Variants in CNTN4 observed in about 807,000 individuals in gnomAD.
The protein encoded by CNTN4 is contactin 4, also known as contactin-4.
Under a neutral mutation model 122.5 loss-of-function variants are expected in CNTN4, and 77 were observed. The observed-to-expected ratio is 0.63, with a 90% CI of 0.52 to 0.76. CNTN4 has a LOEUF of 0.76. CNTN4 is among the 30% of genes least tolerant of loss of function. The pLI, the probability that CNTN4 is intolerant of heterozygous loss-of-function variation, is 0.00. For synonymous variants in CNTN4, 512 were observed against 447.0 expected, an observed-to-expected ratio of 1.15 and a Z score of -1.83; for missense variants, 1,256 against 1,259.1, an observed-to-expected ratio of 1.00 and a Z score of 0.04.
chr3:2,351,742 G>A (rs1012338200), intron 3 of CNTN4, among the ~76,000 whole-genome samples: 2 of 151,600 alleles, frequency 1.3e-5, no homozygotes, highest in African/African-American at 4.9e-5. Flanking sequence ...TAGATAAGAG[G>A]GGACTACTGT....
chr3:2,223,996 T>G (rs1436831857), intron 2 of CNTN4, among the ~76,000 whole-genome samples: 1 of 151,750 alleles, frequency 6.6e-6, no homozygotes, highest in African/African-American at 2.4e-5. Context: ...GACAGGAGGG[T>G]GAGGTGAATA....
At chr3:2,808,345 A>G (rs1375222778) in intron 6 of CNTN4, among the ~76,000 whole-genome samples, 2 of 152,150 alleles carry the variant, frequency 1.3e-5, no homozygotes, top group East Asian at 3.9e-4. Flanking sequence ...ACTTGAATGT[A>G]TCTGATTTGC....
chr3:2,727,539 A>G (rs942884201), intron 4 of CNTN4, among the ~76,000 whole-genome samples: 2 of 152,222 alleles, frequency 1.3e-5, no homozygotes, highest in African/African-American at 2.4e-5. Flanking sequence ...GGGTCAGAGT[A>G]GGATACATTG....
intron 3 of CNTN4, among the ~76,000 whole-genome samples, chr3:2,384,600 T>G (rs1196172437): frequency 1.3e-5 from 2 of 152,212 alleles, no homozygotes; most frequent in Non-Finnish European, 2.9e-5. Flanking sequence ...AATGCCCAGC[T>G]AAATCAGGAC....
In CNTN4 at chr3:2,839,592, A is replaced by C. The variant is rs139134451; in HGVS notation, c.454+20011A>C. 6.9e-3 allele frequency among the ~76,000 whole-genome samples: 1,058 copies of C among 152,330 alleles called. 6 individuals are homozygous for C. Among genetic ancestry groups the C allele is most frequent in the East Asian group, 0.022 (114 of 5,192 alleles). The stretch of plus-strand genomic sequence containing the variant: ...CCTGGAATTTAGAACAGGGCTTTTA[A>C]ATTTTCAAGGACTGCACTGCAGTTG... On this transcript the variant is annotated intron_variant, in intron 7 of 24. Coordinates refer to ENST00000418658, the MANE Select transcript of CNTN4 (RefSeq NM_175607.3).
chr3:2,179,122 C>T (rs1242744604), intron 2 of CNTN4, among the ~76,000 whole-genome samples: 1 of 152,020 alleles, frequency 6.6e-6, no homozygotes, highest in Non-Finnish European at 1.5e-5. Context: ...ATTTGCAGTT[C>T]ACCAGTAACC....
intron 3 of CNTN4, among the ~76,000 whole-genome samples, chr3:2,429,970 G>T (rs965909176): frequency 2.6e-5 from 4 of 152,142 alleles, no homozygotes; most frequent in Admixed American, 1.3e-4. Context: ...CATCTGTCAC[G>T]GCTTCCCTTG....
At chr3:2,150,027 A>T (rs1219615024) in intron 2 of CNTN4, among the ~76,000 whole-genome samples, 1 of 151,750 alleles carries the variant, frequency 6.6e-6, no homozygotes, top group Non-Finnish European at 1.5e-5. Flanking sequence ...TTAGAGTTTA[A>T]ATGTAATGAT....
In CNTN4 at chr3:2,289,951, G is replaced by A. The variant is rs17011929; in HGVS notation, c.-144-49227G>A. On this transcript the variant is annotated intron_variant, in intron 2 of 24. Transcript: ENST00000418658. ...GAAACTTGGAGGCATAGTTTTCAGGGTTACAGAATGTTCATTATTAGTATT... is the reference window on the plus strand; with the variant it reads ...GAAACTTGGAGGCATAGTTTTCAGGATTACAGAATGTTCATTATTAGTATT... 8.0e-3 allele frequency among the ~76,000 whole-genome samples: 1,224 copies of A among 152,052 alleles called. 21 individuals carry two copies. Among genetic ancestry groups the A allele is most frequent in the African/African-American group, 0.028 (1,158 of 41,514 alleles).
chr3:2,575,981 CAT>C (rs1559257852), intron 4 of CNTN4, among the ~76,000 whole-genome samples: 2 of 151,762 alleles, frequency 1.3e-5, no homozygotes, highest in African/African-American at 2.4e-5. Context: ...ACTACAGGCA[CAT>C]GCCACCATGC....
chr3:3,047,979 A>G (rs1700846901), intron 23 of CNTN4, among the ~76,000 whole-genome samples: 1 of 152,186 alleles, frequency 6.6e-6, no homozygotes, highest in Admixed American at 6.5e-5. Flanking sequence ...ACAGGGTTAG[A>G]CCAGATGGTA....
intron 7 of CNTN4, among the ~76,000 whole-genome samples, chr3:2,854,808 G>C (rs533198104): frequency 6.6e-6 from 1 of 152,216 alleles, no homozygotes; most frequent in South Asian, 2.1e-4. Flanking sequence ...AATAATTAGA[G>C]TTAAACTGAC....
chr3:2,555,458 T>A (rs1298636417), intron 3 of CNTN4, among the ~76,000 whole-genome samples: 1 of 152,192 alleles, frequency 6.6e-6, no homozygotes, highest in Non-Finnish European at 1.5e-5. Context: ...AGGGCATGGA[T>A]AGTAGCAAAG....
chr3:2,951,646 TACAGATG>T (rs527910792), intron 13 of CNTN4, among the ~76,000 whole-genome samples: 389 of 152,334 alleles, frequency 2.6e-3, no homozygotes, highest in Non-Finnish European at 4.2e-3. Flanking sequence ...GTTTTAACTT[TACAGATG>T]AAAAGGTCCT....
intron 4 of CNTN4, among the ~76,000 whole-genome samples, chr3:2,660,011 T>G (rs1226904829): frequency 6.6e-6 from 1 of 152,198 alleles, no homozygotes; most frequent in Non-Finnish European, 1.5e-5. Flanking sequence ...TAAAATAGCA[T>G]GACGATCTGA....
At chr3:2,637,475 CCTT>C (rs2082711999) in intron 4 of CNTN4, among the ~76,000 whole-genome samples, 1 of 152,054 alleles carries the variant, frequency 6.6e-6, no homozygotes, top group African/African-American at 2.4e-5. Context: ...AAGGAGCCCT[CCTT>C]TGCCTTATCT....
intron 3 of CNTN4, among the ~76,000 whole-genome samples, chr3:2,421,978 T>C (rs993885233): frequency 3.4e-4 from 51 of 151,992 alleles, no homozygotes; most frequent in African/African-American, 1.2e-3. Context: ...AAAAAATTAG[T>C]GTACCTGATT....
At chr3:2,702,131 C>T (rs149996534) in intron 4 of CNTN4, among the ~76,000 whole-genome samples, 1 of 152,302 alleles carries the variant, frequency 6.6e-6, no homozygotes, top group Non-Finnish European at 1.5e-5. Flanking sequence ...GATCCAAAAT[C>T]AGAGAGAACA....
chr3:2,222,070 A>G (rs2039080961), intron 2 of CNTN4, among the ~76,000 whole-genome samples: 2 of 152,328 alleles, frequency 1.3e-5, no homozygotes, highest in South Asian at 4.1e-4. Flanking sequence ...GAGAAATGAA[A>G]ACATAAATGA....
Sources: gnomAD v4.1 joint callset for allele counts (sites outside exome capture counted in the v4.1 genomes callset) on GRCh38, gnomAD v4.1.1 for gene constraint, MANE v1.5 for transcripts, NCBI Gene and HGNC (gene_info 2026-07-23, HGNC 2026-07-21) for gene names.